ADGRL3: variants seen among roughly 807,000 people sequenced by gnomAD.
The protein encoded by ADGRL3 is calcium-independent alpha-latrotoxin receptor 3.
Under a neutral mutation model 153.5 loss-of-function variants are expected in ADGRL3, and 62 were observed. The ratio of observed to expected loss-of-function variants is 0.40; its 90% confidence interval spans 0.33 to 0.50. ADGRL3 has a LOEUF of 0.50. ADGRL3 is among the 20% of genes least tolerant of loss of function. The pLI is 0.47. For missense variants in ADGRL3, 1,641 were observed against 1,859.4 expected (o/e 0.88, Z 2.16); for synonymous variants, 710 against 672.5 (o/e 1.06, Z -0.86).
intron 19 of ADGRL3, among the ~76,000 whole-genome samples, chr4:61,985,124 A>T (rs905495408): frequency 6.6e-5 from 10 of 152,292 alleles, no homozygotes; most frequent in Admixed American, 3.3e-4. Flanking sequence ...TAGAATTTGC[A>T]AAGTCCATGG....
At chr4:61,688,850 G>A (rs2095491804) in intron 6 of ADGRL3, among the ~76,000 whole-genome samples, 1 of 152,142 alleles carries the variant, frequency 6.6e-6, no homozygotes, top group South Asian at 2.1e-4. Context: ...AATTACAAAG[G>A]CATCTGTCAT....
intron 2 of ADGRL3, among the ~76,000 whole-genome samples, chr4:61,429,379 G>C (rs190697749): frequency 3.9e-5 from 6 of 152,146 alleles, no homozygotes; most frequent in Non-Finnish European, 8.8e-5. Flanking sequence ...AAAGGTGAAA[G>C]AATCAGTCAT....
chr4:61,444,888 A>G (rs994443015), intron 2 of ADGRL3, among the ~76,000 whole-genome samples: 5 of 152,014 alleles, frequency 3.3e-5, no homozygotes, highest in African/African-American at 1.2e-4. Context: ...CCTTGTCCCT[A>G]TAAAAAATAC....
chr4:62,022,061 T>C (rs1158206654), intron 21 of ADGRL3, among the ~76,000 whole-genome samples: 1 of 152,198 alleles, frequency 6.6e-6, no homozygotes, highest in African/African-American at 2.4e-5. Flanking sequence ...GCCAATCCTC[T>C]TTAACAGTTA....
At chr4:61,207,327 CTGAGAATGATGGT>C (rs1368231509) in intron 1 of ADGRL3, among the ~76,000 whole-genome samples, 2 of 152,118 alleles carry the variant, frequency 1.3e-5, no homozygotes, top group African/African-American at 4.8e-5. Context: ...TGTTAGTTTG[CTGAGAATGATGGT>C]TTTCAGCTTC....
Position 61,224,128 on chromosome 4 carries a change from G to A in ADGRL3, c.-240+22363G>A, listed in dbSNP as rs546687889. ...ATCTTCGTGTATACTGTGTGGGGCC[G>A]CAAAATCAGATTTGATGAAAATTTC... On this transcript the variant is annotated intron_variant, in intron 1 of 26. Coordinates refer to ENST00000683033, the MANE Select transcript of ADGRL3 (RefSeq NM_001387552.1). Among the ~76,000 whole-genome samples the A allele has an allele frequency of 5.9e-5, 9 of 151,828 alleles. No homozygotes were observed. The South Asian group carries it at 1.3e-3, about 21-fold the overall frequency.
At chr4:61,678,519 A>G (rs1019412025) in intron 6 of ADGRL3, among the ~76,000 whole-genome samples, 16 of 151,974 alleles carry the variant, frequency 1.1e-4, no homozygotes, top group African/African-American at 3.9e-4. Context: ...ATCTACTTAA[A>G]TCACTTTAAT....
At chr4:61,769,471 G>A (rs919103613) in intron 8 of ADGRL3, among the ~76,000 whole-genome samples, 3 of 117,086 alleles carry the variant, frequency 2.6e-5, no homozygotes, top group Non-Finnish European at 3.4e-5. Context: ...CTTTCTCACG[G>A]AGCAAAGAGC....
intron 1 of ADGRL3, among the ~76,000 whole-genome samples, chr4:61,307,185 C>T (rs774409248): frequency 3.3e-5 from 5 of 151,894 alleles, no homozygotes; most frequent in South Asian, 2.1e-4. Context: ...ACAGTTTTCC[C>T]GATTACTTTT....
intron 2 of ADGRL3, among the ~76,000 whole-genome samples, chr4:61,436,178 T>C (rs1463532034): frequency 6.6e-6 from 1 of 152,180 alleles, no homozygotes; most frequent in Non-Finnish European, 1.5e-5. Context: ...ATTACATTTA[T>C]TGTAAAACAT....
At chr4:61,819,160 A>G (rs551959134) in intron 9 of ADGRL3, among the ~76,000 whole-genome samples, 5 of 152,240 alleles carry the variant, frequency 3.3e-5, no homozygotes, top group African/African-American at 1.2e-4. Context: ...ATACATCTCT[A>G]TATCTATCTG....
intron 2 of ADGRL3, among the ~76,000 whole-genome samples, chr4:61,387,847 T>C (rs1022775780): frequency 2.0e-5 from 3 of 152,138 alleles, no homozygotes; most frequent in African/African-American, 7.2e-5. Context: ...AAGACAGGCA[T>C]AGGAAATCAC....
intron 1 of ADGRL3, among the ~76,000 whole-genome samples, chr4:61,352,364 G>A (rs187904507): frequency 1.3e-5 from 2 of 151,444 alleles, no homozygotes; most frequent in Non-Finnish European, 2.9e-5. Flanking sequence ...AAATGCTATT[G>A]TACACTGAAT....
intron 2 of ADGRL3, among the ~76,000 whole-genome samples, chr4:61,423,264 G>A (rs1465403477): frequency 6.6e-6 from 1 of 152,142 alleles, no homozygotes; most frequent in Non-Finnish European, 1.5e-5. Context: ...ACCAGAAAAC[G>A]TTGACCATTT....
intron 5 of ADGRL3, among the ~76,000 whole-genome samples, chr4:61,606,024 C>G (rs2099030908): frequency 6.6e-6 from 1 of 152,052 alleles, no homozygotes; most frequent in South Asian, 2.1e-4. Context: ...GAGAGTGATA[C>G]AGGTAATTAA....
At chr4:61,889,382 T>C (rs1256343880) in intron 9 of ADGRL3, among the ~76,000 whole-genome samples, 1 of 152,164 alleles carries the variant, frequency 6.6e-6, no homozygotes, top group African/African-American at 2.4e-5. Flanking sequence ...AAGAATATAC[T>C]TAAAAGATGA....
intron 5 of ADGRL3, among the ~76,000 whole-genome samples, chr4:61,667,387 T>C (rs745363554): frequency 6.6e-6 from 1 of 152,104 alleles, no homozygotes; most frequent in Non-Finnish European, 1.5e-5. Context: ...CCACTGAAAA[T>C]TTTTAGAGCA....
chr4:61,314,077 T>C (rs1025112063), intron 1 of ADGRL3, among the ~76,000 whole-genome samples: 1 of 152,188 alleles, frequency 6.6e-6, no homozygotes, highest in Admixed American at 6.5e-5. Context: ...ATTTTTCTCA[T>C]CAACATTTTA....
intron 9 of ADGRL3, among the ~76,000 whole-genome samples, chr4:61,857,006 T>C (rs71611605): frequency 0.18 from 19,972 of 112,392 alleles, 2,907 homozygotes; most frequent in African/African-American, 0.19. Context: ...CTTTCTTTCT[T>C]TCTTTCTTTC....
Sources: allele counts gnomAD v4.1 joint callset (sites outside exome capture counted in the v4.1 genomes callset), GRCh38; gene constraint gnomAD v4.1.1; transcripts MANE v1.5; gene names NCBI Gene and HGNC (gene_info 2026-07-23, HGNC 2026-07-21).